Variants in PRDM2 observed in about 807,000 individuals in gnomAD.
PRDM2 encodes PR domain zinc finger protein 2.
In PRDM2, 30 loss-of-function variants were observed where a neutral mutation model predicts 130.0. That is an observed-to-expected ratio of 0.23 (90% CI 0.17 to 0.31). PRDM2 has a LOEUF of 0.31. PRDM2 is among the 10% of genes least tolerant of loss of function. The pLI, the probability that PRDM2 is intolerant of heterozygous loss-of-function variation, is 1.00. For missense variants in PRDM2, 2,011 were observed against 2,108.4 expected (o/e 0.95, Z 0.90); for synonymous variants, 871 against 782.4 (o/e 1.11, Z -1.89).
intron 6 of PRDM2, among the ~76,000 whole-genome samples, chr1:13,761,189 C>T (rs1458688498): frequency 6.6e-6 from 1 of 152,198 alleles, no homozygotes; most frequent in African/African-American, 2.4e-5. Flanking sequence ...GTTTGCTCGT[C>T]TTACCTTTAT....
intron 2 of PRDM2, 66 bp downstream of exon 2, chr1:13,715,680 A>C (rs1642510270): frequency 7.3e-7 from 1 of 1,374,318 alleles, no homozygotes; most frequent in Non-Finnish European, 1.0e-6. Flanking sequence ...CTTGATTTTT[A>C]CAAGATAGTA....
chr1:13,748,809 G>C (rs1028019731), intron 5 of PRDM2, among the ~76,000 whole-genome samples: 1 of 152,194 alleles, frequency 6.6e-6, no homozygotes, highest in Non-Finnish European at 1.5e-5. Flanking sequence ...CCCTGGACCA[G>C]AGCAGGTTGG....
At chr1:13,737,440 T>C (rs1022625728) in intron 4 of PRDM2, among the ~76,000 whole-genome samples, 8 of 152,226 alleles carry the variant, frequency 5.3e-5, no homozygotes, top group African/African-American at 1.9e-4. Flanking sequence ...CCATATGGCC[T>C]GCAAAACTGC....
chr1:13,752,639 T>C (rs1193949003), intron 6 of PRDM2, among the ~76,000 whole-genome samples: 3 of 152,154 alleles, frequency 2.0e-5, no homozygotes, highest in Non-Finnish European at 4.4e-5. Context: ...TCTTCCAGAG[T>C]GTAGATTATA....
chr1:13,770,289 TC>T (rs1644329219), intron 6 of PRDM2: 1 of 475,154 alleles, frequency 2.1e-6, no homozygotes, highest in East Asian at 7.0e-5. Context: ...GCTCTAACAT[TC>T]TTTTAGGTAG....
Position 13,773,153 on chromosome 1 carries a change from A to G in PRDM2, c.587A>G (p.Asp196Gly). ...ATACAACTGAAGACAAGTGAGCCAG[A>G]TTTCACCTCTGCAAATATGAGAGAT... is the stretch of plus-strand genomic sequence containing the variant. Reference protein sequence around the residue: ...QDIQLKTSEPDFTSANMRDSA... With the variant: ...QDIQLKTSEPGFTSANMRDSA... Residue 196 changes from aspartate (D) to glycine (G), a missense_variant, in exon 7 of 10, where the codon GAT (aspartate) becomes GGT (glycine). By Grantham distance (94) the Asp-to-Gly change is moderately conservative. Coordinates refer to ENST00000311066, the MANE Select transcript of PRDM2 (RefSeq NM_001393986.1). The G allele has an allele frequency of 6.4e-7, 1 of 1,572,878 alleles. No individual in the cohort carries two copies. Among genetic ancestry groups the G allele is most frequent in the Non-Finnish European group, 8.6e-7 (1 of 1,164,094 alleles).
chr1:13,720,257 C>G (rs927554469), intron 2 of PRDM2, among the ~76,000 whole-genome samples: 4 of 152,180 alleles, frequency 2.6e-5, no homozygotes, highest in East Asian at 1.9e-4. Flanking sequence ...ATGGTACATG[C>G]AGCTTTATGT....
chr1:13,772,639 C>T (rs1260944270), intron 6 of PRDM2, among the ~76,000 whole-genome samples: 3 of 152,214 alleles, frequency 2.0e-5, no homozygotes, highest in South Asian at 4.1e-4. Flanking sequence ...ATAATCATGT[C>T]TTAGCTAAAA....
At chr1:13,708,513 C>T (rs1387394859) in intron 1 of PRDM2, among the ~76,000 whole-genome samples, 1 of 152,092 alleles carries the variant, frequency 6.6e-6, no homozygotes, top group Non-Finnish European at 1.5e-5. Flanking sequence ...AGTATCAGAT[C>T]GTCCCACCTG....
At chr1:13,784,258 A>C (rs1644687388) in intron 8 of PRDM2, among the ~76,000 whole-genome samples, 1 of 152,146 alleles carries the variant, frequency 6.6e-6, no homozygotes, top group Non-Finnish European at 1.5e-5. Flanking sequence ...TAGTAATTGA[A>C]TTGTGCACCT....
At chr1:13,791,600 C>G (rs1156562714) in intron 8 of PRDM2, among the ~76,000 whole-genome samples, 1 of 152,152 alleles carries the variant, frequency 6.6e-6, no homozygotes, top group Non-Finnish European at 1.5e-5. Context: ...GCAAAACAAA[C>G]AGGTATTTAC....
chr1:13,799,426 CAA>C (rs939300361), intron 8 of PRDM2, among the ~76,000 whole-genome samples: 1 of 143,008 alleles, frequency 7.0e-6, no homozygotes, highest in African/African-American at 2.6e-5. Context: ...GCCTGGGCAA[CAA>C]GAGCGAAACT....
intron 4 of PRDM2, among the ~76,000 whole-genome samples, chr1:13,734,754 A>T (rs1443219514): frequency 6.6e-6 from 1 of 152,042 alleles, no homozygotes; most frequent in African/African-American, 2.4e-5. Context: ...TCCTGCAATT[A>T]AAAAAAATCT....
In PRDM2 at chr1:13,791,623, C is replaced by T. The variant is rs143182065; in HGVS notation, c.5036+8792C>T. Among the ~76,000 whole-genome samples, 568 of 152,258 alleles carry T rather than the reference C, an allele frequency of 3.7e-3. 4 individuals are homozygous for T. Among genetic ancestry groups the T allele is most frequent in the African/African-American group, 0.013 (549 of 41,534 alleles). ...AACAGGTATTTACGTTCTGCCGATA[C>T]CTTATTTTTAAAGTATAGGATTAGA... On this transcript the variant is annotated intron_variant, in intron 8 of 9. Coordinates refer to ENST00000311066, the MANE Select transcript of PRDM2 (RefSeq NM_001393986.1).
At chr1:13,760,649 A>C (rs1644075029) in intron 6 of PRDM2, among the ~76,000 whole-genome samples, 1 of 152,086 alleles carries the variant, frequency 6.6e-6, no homozygotes, top group South Asian at 2.1e-4. Flanking sequence ...CGGATGGGTT[A>C]CTCTCCATGT....
chr1:13,765,215 T>C (rs1216704949), intron 6 of PRDM2, among the ~76,000 whole-genome samples: 2 of 152,230 alleles, frequency 1.3e-5, no homozygotes, highest in Non-Finnish European at 2.9e-5. Flanking sequence ...CCCAGTTCTT[T>C]TGTTAATGAC....
intron 8 of PRDM2, among the ~76,000 whole-genome samples, chr1:13,794,227 C>G (rs968609748): frequency 2.0e-5 from 3 of 152,154 alleles, no homozygotes; most frequent in Non-Finnish European, 4.4e-5. Flanking sequence ...TCAGCTGGCA[C>G]CTCCTCCAAG....
At chr1:13,790,610 A>G (rs1007249027) in intron 8 of PRDM2, among the ~76,000 whole-genome samples, 7 of 152,342 alleles carry the variant, frequency 4.6e-5, no homozygotes, top group South Asian at 4.1e-4. Flanking sequence ...TAAGAAAAAT[A>G]AAGGTCCAGA....
At chr1:13,768,604 G>A (rs554160285) in intron 6 of PRDM2, among the ~76,000 whole-genome samples, 185 of 151,312 alleles carry the variant, frequency 1.2e-3, no homozygotes, top group African/African-American at 4.3e-3. Context: ...GGCTGGTCTC[G>A]AACTCCTAAC....
Sources: allele counts gnomAD v4.1 joint callset (sites outside exome capture counted in the v4.1 genomes callset), GRCh38; gene constraint gnomAD v4.1.1; transcripts MANE v1.5; gene names NCBI Gene and HGNC (gene_info 2026-07-23, HGNC 2026-07-21).